The following TIAM1 variants were observed in gnomAD, a reference collection of about 807,000 sequenced individuals.
TIAM1 encodes the protein TIAM Rac1 associated GEF 1.
Under a neutral mutation model 163.5 loss-of-function variants are expected in TIAM1, and 65 were observed. The ratio of observed to expected loss-of-function variants is 0.40; its 90% CI spans 0.33 to 0.49. TIAM1 has a LOEUF of 0.49. Among genes scored for constraint, TIAM1 ranks in the 20% least tolerant of loss-of-function variants. The pLI, the probability that TIAM1 is intolerant of heterozygous loss-of-function variation, is 0.77. For missense variants in TIAM1, 1,789 were observed against 2,044.7 expected, an observed-to-expected ratio of 0.87 and a Z score of 2.41; for synonymous variants, 833 against 810.1, an observed-to-expected ratio of 1.03 and a Z score of -0.48.
At position 31,395,351 on chromosome 21, in the gene TIAM1, C is replaced by T. The variant is rs544874521; in HGVS notation, c.-368-55929G>A. On this transcript the variant is annotated intron_variant, in intron 2 of 28. Transcript: ENST00000286827. This position sits in a 1 kb window ranked among gnomAD's most constrained non-coding sequence, Gnocchi z 7.5. The stretch of plus-strand genomic sequence containing the variant: ...GAGAAGTGACAAATGGCCCCACACA[C>T]AGATCACTGCTTGCCTCCAGAGAGA... Among the ~76,000 whole-genome samples the T allele has an allele frequency of 6.6e-6, 1 of 151,164 alleles. No individual in the cohort carries two copies.
chr21:31,415,122 G>A (rs1449033850), intron 2 of TIAM1, among the ~76,000 whole-genome samples: 1 of 152,138 alleles, frequency 6.6e-6, no homozygotes, highest in African/African-American at 2.4e-5. Flanking sequence ...AAAACAAATG[G>A]GAGAGCCTCA....
At chr21:31,360,586 TAAAC>T (rs1275584476) in intron 2 of TIAM1, among the ~76,000 whole-genome samples, 1 of 151,962 alleles carries the variant, frequency 6.6e-6, no homozygotes, top group Non-Finnish European at 1.5e-5. Context: ...ACTTAAAAAA[TAAAC>T]AAGACAATAA....
intron 2 of TIAM1, among the ~76,000 whole-genome samples, chr21:31,337,515 G>GTTATTA (rs1469371170): frequency 3.2e-4 from 32 of 99,334 alleles, no homozygotes; most frequent in Admixed American, 1.5e-3. Context: ...TATTATTATT[G>GTTATTA]TTGTTATTAT....
chr21:31,356,617 C>T (rs113952107), intron 2 of TIAM1, among the ~76,000 whole-genome samples: 7 of 152,356 alleles, frequency 4.6e-5, no homozygotes, highest in South Asian at 2.1e-4. Flanking sequence ...AGCCACAAGG[C>T]GCTGTCCAGA....
chr21:31,296,716 T>C (rs113430878), intron 2 of TIAM1, among the ~76,000 whole-genome samples: 3 of 151,794 alleles, frequency 2.0e-5, no homozygotes, highest in Non-Finnish European at 2.9e-5. Context: ...CAGGCTGGAG[T>C]GCAGTGGTGC....
chr21:31,187,319 T>A (rs954053576), intron 13 of TIAM1, among the ~76,000 whole-genome samples: 7 of 152,216 alleles, frequency 4.6e-5, no homozygotes, highest in Non-Finnish European at 7.3e-5. Flanking sequence ...TACCTACCAA[T>A]CAACTCAAAG....
In TIAM1 at chr21:31,213,390, A is replaced by G; in HGVS notation, c.2217+8T>C. 6.2e-7 allele frequency: 1 copy of G among 1,608,908 alleles called. No individual in the cohort carries two copies. The highest frequency in any genetic ancestry group is 8.5e-7 in the Non-Finnish European group (1 of 1,178,338). ...CTTTTAGAAAAGAAAACACACGTTT[A>G]TTTTTACCTTGCCATCTGGAACAAT... On this transcript the variant is annotated splice_region_variant and intron_variant, in intron 10 of 27. Coordinates refer to ENST00000541036, the MANE Select transcript of TIAM1 (RefSeq NM_001353694.2).
intron 15 of TIAM1, among the ~76,000 whole-genome samples, chr21:31,169,277 G>A (rs565841105): frequency 2.6e-5 from 4 of 152,246 alleles, no homozygotes; most frequent in African/African-American, 9.6e-5. Flanking sequence ...CTGGCAGACT[G>A]AGTGAGACTC....
At chr21:31,186,799 A>G (rs896064882) in intron 14 of TIAM1, among the ~76,000 whole-genome samples, 4 of 152,208 alleles carry the variant, frequency 2.6e-5, no homozygotes, top group Non-Finnish European at 5.9e-5. Flanking sequence ...AAAAAAAGAA[A>G]AAAAAAGTTC....
chr21:31,396,545 T>A (rs2077072932), intron 2 of TIAM1, among the ~76,000 whole-genome samples: 2 of 149,838 alleles, frequency 1.3e-5, no homozygotes, highest in Admixed American at 6.7e-5. Flanking sequence ...ATATAAAAAA[T>A]AATAATAATA....
rs71193103 is a variant in TIAM1 at position 31,353,835 on chromosome 21, C to CTTTTTTTTTTTTTT, written c.-368-14427_-368-14414dup. Among the ~76,000 whole-genome samples, 74 of 71,248 alleles carry CTTTTTTTTTTTTTT rather than the reference C, an allele frequency of 1.0e-3. 11 individuals are homozygous for CTTTTTTTTTTTTTT. Among genetic ancestry groups the CTTTTTTTTTTTTTT allele is most frequent in the East Asian group, 2.3e-3 (4 of 1,738 alleles). 46.7% of individuals were successfully genotyped at this position (71,248 alleles called of 152,430 possible). On this transcript the variant is annotated intron_variant, in intron 2 of 28. Coordinates refer to the TIAM1 transcript ENST00000286827. Reference sequence around the variant, plus strand: ...TGTTTTTATTTATTTATTTATTTATCTTTTTTTTTTTTTTTTTTTTTGAGA... The same window carrying CTTTTTTTTTTTTTT: ...TGTTTTTATTTATTTATTTATTTATCTTTTTTTTTTTTTTTTTTTTTTTTTTTTTTTTTTTGAGA...
chr21:31,189,547 T>C (rs1471895152), intron 13 of TIAM1, among the ~76,000 whole-genome samples: 5 of 152,126 alleles, frequency 3.3e-5, no homozygotes, highest in Non-Finnish European at 7.4e-5. Context: ...GAAGAAACGA[T>C]AATGGGCATA....
At chr21:31,460,910 A>C (rs2045301251) in intron 2 of TIAM1, among the ~76,000 whole-genome samples, 2 of 152,026 alleles carry the variant, frequency 1.3e-5, no homozygotes, top group South Asian at 4.2e-4. Context: ...AATCTATTTC[A>C]TTTTTTTTAC....
chr21:31,481,142 C>G (rs1296063598), intron 1 of TIAM1, among the ~76,000 whole-genome samples: 1 of 152,176 alleles, frequency 6.6e-6, no homozygotes, highest in African/African-American at 2.4e-5. Context: ...GGCCTTTCTT[C>G]TTGGCTTGTG....
intron 1 of TIAM1, among the ~76,000 whole-genome samples, chr21:31,527,749 C>T (rs928514121): frequency 2.0e-5 from 3 of 152,064 alleles, no homozygotes; most frequent in Non-Finnish European, 4.4e-5. Context: ...TTAAAGGCCA[C>T]CAGTCCCAAC....
At chr21:31,242,045 A>G (rs1451751030) in intron 6 of TIAM1, among the ~76,000 whole-genome samples, 1 of 152,126 alleles carries the variant, frequency 6.6e-6, no homozygotes, top group Non-Finnish European at 1.5e-5. Flanking sequence ...CATATATAGA[A>G]AAAGAAGTAG....
chr21:31,445,869 A>C (rs1381760772), intron 2 of TIAM1, among the ~76,000 whole-genome samples: 1 of 151,624 alleles, frequency 6.6e-6, no homozygotes, highest in Non-Finnish European at 1.5e-5. Context: ...TTAACGTTTG[A>C]GTTTTGGGAA....
intron 1 of TIAM1, among the ~76,000 whole-genome samples, chr21:31,482,125 T>C (rs1047374991): frequency 6.8e-6 from 1 of 146,568 alleles, no homozygotes; most frequent in Non-Finnish European, 1.5e-5. Flanking sequence ...ACATATATAT[T>C]TATATACATT....
chr21:31,158,016 T>C (rs531529452), intron 16 of TIAM1, among the ~76,000 whole-genome samples: 15 of 152,226 alleles, frequency 9.9e-5, no homozygotes, highest in Non-Finnish European at 1.8e-4. Flanking sequence ...TGGGTTTTCA[T>C]TCCATCTGTT....
Sources: allele counts gnomAD v4.1 joint callset (sites outside exome capture counted in the v4.1 genomes callset), GRCh38; gene constraint gnomAD v4.1.1; non-coding constraint Gnocchi (gnomAD v3.1); transcripts MANE v1.5; gene names NCBI Gene and HGNC (gene_info 2026-07-23, HGNC 2026-07-21).